Variants in NAV3 observed in about 807,000 individuals in gnomAD.
The protein encoded by NAV3 is neuron navigator 3, also known as pore membrane and/or filament interacting like protein 1.
In NAV3, 87 loss-of-function variants were observed where a neutral mutation model predicts 244.7. The ratio of observed to expected loss-of-function variants is 0.36; its 90% CI spans 0.30 to 0.42. The LOEUF is 0.42. Ranked by LOEUF, NAV3 falls within the 20% of genes least tolerant of loss-of-function variation. The pLI is 1.00. For synonymous variants in NAV3, 1,126 were observed against 1,042.2 expected (o/e 1.08, Z -1.55); for missense variants, 2,663 against 2,893.3 (o/e 0.92, Z 1.83).
intron 7 of NAV3, among the ~76,000 whole-genome samples, chr12:78,006,137 A>T (rs556728024): frequency 9.8e-5 from 15 of 152,320 alleles, no homozygotes; most frequent in African/African-American, 3.6e-4. Flanking sequence ...ATCTTTGGAT[A>T]TCTGTGACTA....
chr12:78,026,648 A>G (rs961097706), intron 9 of NAV3, among the ~76,000 whole-genome samples: 2 of 152,170 alleles, frequency 1.3e-5, no homozygotes, highest in South Asian at 2.1e-4. Context: ...AGATGACACA[A>G]TATTGAACTA....
At chr12:77,874,866 G>A (rs1348345949) in intron 1 of NAV3, among the ~76,000 whole-genome samples, 1 of 146,012 alleles carries the variant, frequency 6.8e-6, no homozygotes, top group Non-Finnish European at 1.5e-5. Flanking sequence ...ATTTTATTCT[G>A]TATTTTTTTT....
chr12:78,142,646 A>C (rs1956665221), intron 20 of NAV3, among the ~76,000 whole-genome samples: 1 of 146,868 alleles, frequency 6.8e-6, no homozygotes. Flanking sequence ...GGGAACACAG[A>C]TTAAAATAGA....
chr12:77,797,484 CTCT>C (rs1871469935), intron 2 of NAV3, among the ~76,000 whole-genome samples: 1 of 144,724 alleles, frequency 6.9e-6, no homozygotes, highest in South Asian at 2.2e-4. Flanking sequence ...TCCTTATTTA[CTCT>C]TCTTTACCTA....
rs775058118 is a variant in NAV3, at chr12:78,122,316, A to G, written c.4126A>G (p.Ile1376Val). ...TAGCCTCCACACGAGCTCTGAGTCC[A>G]TTGACCTCCCCCTCAGCCATCATGG... ...MTSLHTSSES[I>V]DLPLSHHGSL... is the part of the protein sequence containing the mutation. Residue 1376 changes from isoleucine (I) to valine (V), a missense_variant, in exon 16 of 40, where the codon ATT becomes GTT. Transcript: ENST00000397909. 28 of 1,613,982 alleles carry G rather than the reference A, an allele frequency of 1.7e-5. No individual in the cohort carries two copies. Among genetic ancestry groups the G allele is most frequent in the Middle Eastern group, 1.6e-4 (1 of 6,084 alleles).
chr12:77,925,160 G>T (rs1301710567), intron 1 of NAV3, among the ~76,000 whole-genome samples: 2 of 152,108 alleles, frequency 1.3e-5, no homozygotes, highest in African/African-American at 4.8e-5. Context: ...TAACTAGTGA[G>T]AATTTTTACT....
At chr12:77,672,550 A>ATG (rs892296352) in intron 2 of NAV3, among the ~76,000 whole-genome samples, 31 of 151,306 alleles carry the variant, frequency 2.0e-4, no homozygotes, top group South Asian at 4.2e-4. Context: ...GTGTGTGTGT[A>ATG]TGTGTGTGTG....
chr12:78,054,614 A>G (rs1266839343), intron 11 of NAV3, among the ~76,000 whole-genome samples: 1 of 152,182 alleles, frequency 6.6e-6, no homozygotes, highest in African/African-American at 2.4e-5. Flanking sequence ...GATTAGAAAT[A>G]TGGTAGTGGC....
chr12:78,142,253 A>G (rs1208705673), intron 20 of NAV3, among the ~76,000 whole-genome samples: 2 of 152,092 alleles, frequency 1.3e-5, no homozygotes, highest in African/African-American at 4.8e-5. Context: ...GTATCCCAAT[A>G]TTAAAGATTT....
chr12:78,017,957 CG>C (rs1387008460), intron 8 of NAV3, among the ~76,000 whole-genome samples: 2 of 152,070 alleles, frequency 1.3e-5, no homozygotes, highest in African/African-American at 4.8e-5. Flanking sequence ...ACTAGAGAAA[CG>C]GATGGCTTGT....
chr12:77,666,316 T>C (rs1415741384), intron 2 of NAV3, among the ~76,000 whole-genome samples: 2 of 152,014 alleles, frequency 1.3e-5, no homozygotes, highest in African/African-American at 4.8e-5. Flanking sequence ...TAACTTCTCA[T>C]TTTGAAACCA....
At chr12:77,884,140 G>A (rs916656080) in intron 1 of NAV3, among the ~76,000 whole-genome samples, 1 of 152,124 alleles carries the variant, frequency 6.6e-6, no homozygotes, top group African/African-American at 2.4e-5. Flanking sequence ...CCTAGAAGCA[G>A]TGTCAATTCT....
At chr12:77,799,738 A>G (rs1871605104) in intron 2 of NAV3, among the ~76,000 whole-genome samples, 1 of 152,142 alleles carries the variant, frequency 6.6e-6, no homozygotes, top group Non-Finnish European at 1.5e-5. Flanking sequence ...GATAGTTCAT[A>G]TCTGTTGTTT....
intron 1 of NAV3, among the ~76,000 whole-genome samples, chr12:77,854,068 T>C (rs1592788020): frequency 6.6e-6 from 1 of 152,186 alleles, no homozygotes; most frequent in East Asian, 1.9e-4. Flanking sequence ...TTTTGTCCTC[T>C]TCTTTGAGTA....
At chr12:77,908,069 G>T (rs1237832950) in intron 1 of NAV3, among the ~76,000 whole-genome samples, 1 of 151,974 alleles carries the variant, frequency 6.6e-6, no homozygotes, top group Non-Finnish European at 1.5e-5. Context: ...TAGAGTTGTG[G>T]TTTACAGTGG....
intron 1 of NAV3, among the ~76,000 whole-genome samples, chr12:77,935,137 AACCAAATGCTAAAAT>A (rs772867934): frequency 5.9e-5 from 9 of 152,294 alleles, no homozygotes; most frequent in Non-Finnish European, 8.8e-5. Context: ...ATAAAATACT[AACCAAATGCTAAAAT>A]AAATAATTTT....
intron 7 of NAV3, 98 bp downstream of exon 7, chr12:77,998,574 A>G (rs929757183): frequency 7.5e-7 from 1 of 1,329,938 alleles, no homozygotes; most frequent in African/African-American, 1.5e-5. Context: ...CTTTGGGCCT[A>G]GAGATGTTAT....
chr12:77,726,189 G>GT (rs1876869464), intron 2 of NAV3, among the ~76,000 whole-genome samples: 1 of 151,642 alleles, frequency 6.6e-6, no homozygotes, highest in Admixed American at 6.6e-5. Context: ...TTTTTCCAGA[G>GT]TTGAAATACT....
chr12:77,875,488 G>A (rs943515707), intron 1 of NAV3, among the ~76,000 whole-genome samples: 19 of 151,944 alleles, frequency 1.3e-4, no homozygotes, highest in African/African-American at 4.6e-4. Context: ...GTGAGAACAA[G>A]GACTTTGTTT....
Sources: allele counts gnomAD v4.1 joint callset (sites outside exome capture counted in the v4.1 genomes callset), GRCh38; gene constraint gnomAD v4.1.1; transcripts MANE v1.5; gene names NCBI Gene and HGNC (gene_info 2026-07-23, HGNC 2026-07-21).